Variants in GRM1 observed in about 807,000 individuals in gnomAD.
GRM1 encodes the protein metabotropic glutamate receptor 1.
Under a neutral mutation model 90.9 loss-of-function variants are expected in GRM1, and 33 were observed. The observed-to-expected ratio is 0.36, with a 90% CI of 0.28 to 0.49. The LOEUF is 0.49. Ranked by LOEUF, GRM1 falls within the 20% of genes least tolerant of loss-of-function variation. GRM1 has a pLI of 0.99. For synonymous variants in GRM1, 700 were observed against 613.2 expected (o/e 1.14, Z -2.09); for missense variants, 1,190 against 1,534.3 (o/e 0.78, Z 3.75).
rs1303664204 is a variant in GRM1 at position 146,039,382 on chromosome 6, C to A, written c.700+9165C>A. ...TATGCTCAGGGACCTCTAAGAATATCATTAACTCTAAAGTATATGTCCTGG... is the reference window on the plus strand; with the variant it reads ...TATGCTCAGGGACCTCTAAGAATATAATTAACTCTAAAGTATATGTCCTGG... On this transcript the variant is annotated intron_variant, in intron 1 of 7. Transcript: ENST00000282753. Among the ~76,000 whole-genome samples the A allele has an allele frequency of 2.6e-5, 4 of 151,910 alleles. No homozygotes were observed. In the East Asian group the frequency reaches 7.7e-4, roughly 29 times the overall value.
intron 1 of GRM1, among the ~76,000 whole-genome samples, chr6:146,055,279 T>C (rs1021378391): frequency 6.6e-6 from 1 of 152,146 alleles, no homozygotes; most frequent in Non-Finnish European, 1.5e-5. Context: ...TGGATACAAC[T>C]GGCACATAAG....
chr6:146,034,662 A>G (rs1165014029), intron 1 of GRM1, among the ~76,000 whole-genome samples: 1 of 151,984 alleles, frequency 6.6e-6, no homozygotes, highest in Non-Finnish European at 1.5e-5. Context: ...TTAAAACCTG[A>G]ATAAGATAAG....
chr6:146,350,352 A>G (rs573162412), intron 3 of GRM1, among the ~76,000 whole-genome samples: 1 of 151,600 alleles, frequency 6.6e-6, no homozygotes, highest in Non-Finnish European at 1.5e-5. Context: ...ATATTTTTCT[A>G]CAGTTTGACC....
intron 7 of GRM1, among the ~76,000 whole-genome samples, chr6:146,417,695 T>C (rs953612001): frequency 6.6e-6 from 1 of 152,132 alleles, no homozygotes; most frequent in Non-Finnish European, 1.5e-5. Flanking sequence ...CTCACAAAAT[T>C]TAGGTTTTTG....
intron 2 of GRM1, among the ~76,000 whole-genome samples, chr6:146,287,367 T>C (rs1453972721): frequency 6.6e-6 from 1 of 152,184 alleles, no homozygotes; most frequent in African/African-American, 2.4e-5. Context: ...CATTTAATCA[T>C]TTAAGCATGA....
intron 2 of GRM1, among the ~76,000 whole-genome samples, chr6:146,300,417 T>G (rs2114913490): frequency 6.6e-6 from 1 of 152,310 alleles, no homozygotes; most frequent in East Asian, 1.9e-4. Flanking sequence ...TTAGAATGTA[T>G]AAGATAGAAG....
chr6:146,052,989 A>T (rs1207217854), intron 1 of GRM1, among the ~76,000 whole-genome samples: 2 of 152,080 alleles, frequency 1.3e-5, no homozygotes, highest in East Asian at 3.9e-4. Context: ...TTATGTTTAT[A>T]ACAGGAAAGA....
At chr6:146,273,974 T>C (rs1019739359) in intron 2 of GRM1, among the ~76,000 whole-genome samples, 5 of 152,188 alleles carry the variant, frequency 3.3e-5, no homozygotes, top group African/African-American at 1.2e-4. Context: ...TGCAATAATA[T>C]GTGATTATGC....
At chr6:146,256,504 T>C (rs1441707446) in intron 2 of GRM1, among the ~76,000 whole-genome samples, 2 of 152,108 alleles carry the variant, frequency 1.3e-5, no homozygotes, top group East Asian at 3.9e-4. Flanking sequence ...TCTCCTCCTT[T>C]ATGCCCGAAA....
In GRM1 at chr6:146,187,738, C is replaced by CATATATATAT. The variant is rs10656760; in HGVS notation, c.950+28149_950+28158dup. On this transcript the variant is annotated intron_variant, in intron 2 of 7. Coordinates refer to ENST00000282753, the MANE Select transcript of GRM1 (RefSeq NM_001278064.2). ...ATATCTACAACAACTAGGCACAAAA[C>CATATATATAT]ATATATATATATATATAAAATTAGC... is the stretch of plus-strand genomic sequence containing the variant. 1.2e-3 allele frequency among the ~76,000 whole-genome samples: 180 copies of CATATATATAT among 148,518 alleles called. 1 individual carries two copies. Among genetic ancestry groups the CATATATATAT allele is most frequent in the East Asian group, 3.3e-3 (17 of 5,090 alleles).
intron 2 of GRM1, among the ~76,000 whole-genome samples, chr6:146,166,197 TA>T (rs1239562620): frequency 6.6e-6 from 1 of 152,146 alleles, no homozygotes; most frequent in Non-Finnish European, 1.5e-5. Flanking sequence ...CAGACACACT[TA>T]AAAATAGATT....
chr6:146,212,393 G>A (rs1170963551), intron 2 of GRM1, among the ~76,000 whole-genome samples: 1 of 152,168 alleles, frequency 6.6e-6, no homozygotes, highest in Non-Finnish European at 1.5e-5. Context: ...AGATGCTTCA[G>A]CATTGCCTTC....
chr6:146,136,365 C>A (rs1314299081), intron 1 of GRM1, among the ~76,000 whole-genome samples: 1 of 152,182 alleles, frequency 6.6e-6, no homozygotes, highest in Non-Finnish European at 1.5e-5. Context: ...AACTGCTCTC[C>A]ATAGTGATTG....
intron 2 of GRM1, among the ~76,000 whole-genome samples, chr6:146,185,219 A>G (rs1209600471): frequency 1.3e-5 from 2 of 152,222 alleles, no homozygotes; most frequent in Non-Finnish European, 2.9e-5. Context: ...TTAAAAATGT[A>G]CATTAACTTC....
chr6:146,253,076 A>C (rs1781356063), intron 2 of GRM1, among the ~76,000 whole-genome samples: 1 of 152,118 alleles, frequency 6.6e-6, no homozygotes, highest in Non-Finnish European at 1.5e-5. Flanking sequence ...AAATTGATAA[A>C]TTGTATGATA....
intron 2 of GRM1, among the ~76,000 whole-genome samples, chr6:146,173,389 C>CAA (rs71028382): frequency 3.6e-4 from 30 of 82,522 alleles, no homozygotes; most frequent in South Asian, 8.0e-4. Flanking sequence ...AACTCTGTCT[C>CAA]AAAAAAAAAA....
intron 3 of GRM1, among the ~76,000 whole-genome samples, chr6:146,331,143 G>A (rs1464169893): frequency 1.3e-5 from 2 of 152,162 alleles, no homozygotes; most frequent in African/African-American, 4.8e-5. Context: ...CAGAAGAGCG[G>A]CTGATAGGGG....
chr6:146,426,912 C>T (rs950241253), intron 7 of GRM1, among the ~76,000 whole-genome samples: 1 of 151,976 alleles, frequency 6.6e-6, no homozygotes, highest in Admixed American at 6.6e-5. Context: ...TTGTTTGTGA[C>T]TCCCACTCAC....
intron 1 of GRM1, among the ~76,000 whole-genome samples, chr6:146,150,464 A>G (rs1458983779): frequency 1.3e-5 from 2 of 152,164 alleles, no homozygotes; most frequent in Non-Finnish European, 2.9e-5. Context: ...TTTATGGGGT[A>G]CATGTGATAT....
Sources: allele counts gnomAD v4.1 joint callset (sites outside exome capture counted in the v4.1 genomes callset), GRCh38; gene constraint gnomAD v4.1.1; transcripts MANE v1.5; gene names NCBI Gene and HGNC (gene_info 2026-07-23, HGNC 2026-07-21).